MROH1: variants seen among roughly 807,000 people sequenced by gnomAD.
MROH1 encodes the protein maestro heat like repeat family member 1.
Under a neutral mutation model 116.5 loss-of-function variants are expected in MROH1, and 117 were observed. The ratio of observed to expected loss-of-function variants is 1.00; its 90% CI spans 0.86 to 1.17. The LOEUF is 1.17. Among genes scored for constraint, MROH1 ranks in the 50% most tolerant of loss-of-function variants. MROH1 has a pLI of 0.00. For synonymous variants in MROH1, 921 were observed against 583.9 expected, an observed-to-expected ratio of 1.58 and a Z score of -8.32; for missense variants, 1,873 against 1,338.5, an observed-to-expected ratio of 1.40 and a Z score of -6.23.
chr8:144,238,531 A>T (rs1461357499), intron 14 of MROH1, among the ~76,000 whole-genome samples: 1 of 152,226 alleles, frequency 6.6e-6, no homozygotes, highest in East Asian at 1.9e-4. Flanking sequence ...GTAGCTTAGC[A>T]AATGCTCAAG....
intron 7 of MROH1, among the ~76,000 whole-genome samples, chr8:144,186,442 G>A (rs1226784322): frequency 6.6e-6 from 1 of 152,094 alleles, no homozygotes; most frequent in African/African-American, 2.4e-5. Flanking sequence ...TTTGTGACCT[G>A]AGCATCACCA....
In MROH1 at chr8:144,259,225, G is replaced by A. The variant is rs1188384578; in HGVS notation, c.3930-15G>A. ...CAGCAACAGCCCCTGCACCCTCAGCGGCCCCCTTTCCCAGGGCCATGGCTG... is the reference window on the plus strand; with the variant it reads ...CAGCAACAGCCCCTGCACCCTCAGCAGCCCCCTTTCCCAGGGCCATGGCTG... On this transcript the variant is annotated splice_polypyrimidine_tract_variant and intron_variant, in intron 36 of 43. Coordinates refer to ENST00000326134, the MANE Select transcript of MROH1 (RefSeq NM_032450.3). 34 of 712,214 alleles carry A rather than the reference G, an allele frequency of 4.8e-5. No individual in the cohort carries two copies. The highest frequency in any genetic ancestry group is 1.6e-4 in the South Asian group (11 of 67,510). 44.1% of individuals were successfully genotyped at this position (712,214 alleles called of 1,614,324 possible). A position where few individuals can be genotyped will look rare whatever the true frequency, so the allele number is the denominator to read the frequency against.
At chr8:144,240,080 C>T in intron 18 of MROH1, 21 bp from the exon 19 acceptor site, 1 of 772,260 alleles carries the variant, frequency 1.3e-6, no homozygotes, top group Admixed American at 1.7e-5. Context: ...GATGGGCTGG[C>T]CTGCGCGGCT....
intron 35 of MROH1, among the ~76,000 whole-genome samples, chr8:144,258,334 GATC>G (rs1844306282): frequency 5.3e-5 from 8 of 152,362 alleles, no homozygotes; most frequent in African/African-American, 1.4e-4. Flanking sequence ...ACTGGGAGTG[GATC>G]AGGGGCCTGC....
rs561458533 is a variant in MROH1 at position 144,223,390 on chromosome 8, G to T, written c.1338+160G>T. Among the ~76,000 whole-genome samples, 5 of 152,212 alleles carry T rather than the reference G, an allele frequency of 3.3e-5. No homozygotes were observed. In the South Asian group the frequency reaches 1.0e-3, roughly 32 times the overall value. On this transcript the variant is annotated intron_variant, in intron 14 of 43. Coordinates refer to ENST00000326134, the MANE Select transcript of MROH1 (RefSeq NM_032450.3). The stretch of plus-strand genomic sequence containing the variant: ...CTGTCTTTTGTTTAATAGAGACAGG[G>T]TCTTGCTTCTGTGGCCCAGGCTGGA...
intron 12 of MROH1, among the ~76,000 whole-genome samples, chr8:144,204,781 C>A (rs1832473720): frequency 6.6e-6 from 1 of 152,178 alleles, no homozygotes; most frequent in Non-Finnish European, 1.5e-5. Context: ...TACAGTGATT[C>A]ATTTTGCCTG....
chr8:144,180,426 G>A lies in MROH1; in HGVS notation c.465G>A (p.Ala155=), dbSNP rs775796826. Residue 155 remains alanine (A), a splice_region_variant and synonymous_variant, in exon 7 of 44, where the codon GCG becomes GCA. Transcript: ENST00000326134. This position sits in a 1 kb window ranked among gnomAD's most constrained non-coding sequence, Gnocchi z 7.4. ...HTLASLSVAN[A]FGVVPFLPSV... ...CTTTGACGGTGTCCTCTCTCACAGCGTTCGGCGTAGTCCCCTTCCTGCCAT... is the reference window on the plus strand; with the variant it reads ...CTTTGACGGTGTCCTCTCTCACAGCATTCGGCGTAGTCCCCTTCCTGCCAT... 3.7e-6 allele frequency: 6 copies of A among 1,612,872 alleles called. No homozygotes were observed. Among genetic ancestry groups the A allele is most frequent in the African/African-American group, 2.7e-5 (2 of 74,932 alleles).
chr8:144,206,412 G>A (rs1832814939), intron 12 of MROH1, among the ~76,000 whole-genome samples: 1 of 151,400 alleles, frequency 6.6e-6, no homozygotes, highest in Non-Finnish European at 1.5e-5. Context: ...CAGACACTTG[G>A]GTTGTTCATG....
At chr8:144,191,979 A>G in intron 9 of MROH1, 124 bp downstream of exon 9, 1 of 1,157,906 alleles carries the variant, frequency 8.6e-7, no homozygotes, top group Non-Finnish European at 1.2e-6. Flanking sequence ...TTCTCTGCTA[A>G]GGCTCAGTGG....
At chr8:144,162,590 T>C (rs58216614) in intron 2 of MROH1, among the ~76,000 whole-genome samples, 1 of 151,546 alleles carries the variant, frequency 6.6e-6, no homozygotes, top group African/African-American at 2.4e-5. Context: ...AGAGATGGTG[T>C]GTCACCATGT....
intron 7 of MROH1, among the ~76,000 whole-genome samples, chr8:144,186,380 C>T (rs1827174183): frequency 6.6e-6 from 1 of 152,110 alleles, no homozygotes; most frequent in South Asian, 2.1e-4. Context: ...CCTCGGCCTC[C>T]CAAAGTGCTG....
intron 13 of MROH1, among the ~76,000 whole-genome samples, chr8:144,222,111 C>T (rs1025919858): frequency 6.6e-5 from 10 of 152,110 alleles, no homozygotes; most frequent in Admixed American, 3.9e-4. Flanking sequence ...GGGGATCACA[C>T]GAGAGAAGCT....
rs1302846422 is a variant in MROH1, at chr8:144,170,825, C to T, written c.168+2385C>T. Among the ~76,000 whole-genome samples the T allele has an allele frequency of 5.3e-5, 8 of 152,234 alleles. No homozygotes were observed. The South Asian group carries it at 1.0e-3, about 20-fold the overall frequency. ...TTTTAGACACATCCAGTCTTGTACA[C>T]GTCAGCCAGGGTTCTGCACAGGACA... On this transcript the variant is annotated intron_variant, in intron 4 of 43. Coordinates refer to ENST00000326134, the MANE Select transcript of MROH1 (RefSeq NM_032450.3).
intron 33 of MROH1, among the ~76,000 whole-genome samples, chr8:144,253,330 G>T (rs1248855650): frequency 6.6e-6 from 1 of 152,354 alleles, no homozygotes; most frequent in East Asian, 1.9e-4. Flanking sequence ...GGAAGCAGCC[G>T]CTCCGTCCAC....
At chr8:144,206,557 G>A (rs548114428) in intron 12 of MROH1, among the ~76,000 whole-genome samples, 5 of 151,280 alleles carry the variant, frequency 3.3e-5, no homozygotes, top group African/African-American at 1.2e-4. Flanking sequence ...TGAGTAGCTG[G>A]GATTACAGGC....
intron 12 of MROH1, among the ~76,000 whole-genome samples, chr8:144,207,473 C>T (rs987447790): frequency 1.3e-5 from 2 of 152,024 alleles, no homozygotes; most frequent in Non-Finnish European, 2.9e-5. Context: ...AGGCGTGAGC[C>T]ACCACGCCCG....
chr8:144,164,693 C>T (rs983007378), intron 3 of MROH1, among the ~76,000 whole-genome samples: 6 of 152,032 alleles, frequency 3.9e-5, no homozygotes, highest in Non-Finnish European at 7.4e-5. Context: ...CCACTGCGCC[C>T]GGCCTGGACT....
intron 10 of MROH1, among the ~76,000 whole-genome samples, chr8:144,195,757 T>C (rs1374252698): frequency 1.3e-5 from 2 of 151,870 alleles, no homozygotes; most frequent in Non-Finnish European, 2.9e-5. Context: ...CAGGCTGGAG[T>C]GCAGTGGCAG....
intron 12 of MROH1, among the ~76,000 whole-genome samples, chr8:144,218,969 G>A (rs1446295560): frequency 7.1e-5 from 10 of 140,198 alleles, no homozygotes; most frequent in South Asian, 2.5e-4. Flanking sequence ...CAAGTAGCTG[G>A]GACTATAGGT....
Sources: allele counts gnomAD v4.1 joint callset (sites outside exome capture counted in the v4.1 genomes callset), GRCh38; gene constraint gnomAD v4.1.1; non-coding constraint Gnocchi (gnomAD v3.1); transcripts MANE v1.5; gene names NCBI Gene and HGNC (gene_info 2026-07-23, HGNC 2026-07-21).